The following ADD1 variants were observed in gnomAD, a reference collection of about 807,000 sequenced individuals.
ADD1 encodes the protein adducin 1.
ADD1 carries 24 observed loss-of-function variants against 80.5 expected under a neutral mutation model. The observed-to-expected ratio is 0.30, with a 90% confidence interval of 0.22 to 0.42. The LOEUF is 0.42. ADD1 is among the 10% of genes least tolerant of loss of function. The pLI is 1.00. For synonymous variants in ADD1, 373 were observed against 393.8 expected (o/e 0.95, Z 0.63); for missense variants, 948 against 1,019.0 (o/e 0.93, Z 0.95).
intron 6 of ADD1, 108 bp downstream of exon 6, chr4:2,894,839 T>C (rs955187877): frequency 3.5e-5 from 43 of 1,240,062 alleles, no homozygotes; most frequent in Non-Finnish European, 4.5e-5. Context: ...AAACTAATTT[T>C]GTTGAATATA....
rs1292590322 is a variant in ADD1, at chr4:2,926,574, A to G, written c.2047+462A>G. On this transcript the variant is annotated intron_variant, in intron 15 of 15. Coordinates refer to ENST00000683351, the MANE Select transcript of ADD1 (RefSeq NM_001354761.2). The surrounding 1 kb of genome is among the most constrained non-coding windows in gnomAD (Gnocchi z 5.0). The stretch of plus-strand genomic sequence containing the variant: ...CCTGCCTTTCTTCTTCTGTAACCTG[A>G]TGGCTGTGACTGAATGCATAGATTC... 1.3e-6 allele frequency: 2 copies of G among 1,570,594 alleles called. No homozygotes were observed. The highest frequency in any genetic ancestry group is 2.7e-5 in the African/African-American group (2 of 73,694).
chr4:2,881,384 A>G (rs1732307155), intron 2 of ADD1, among the ~76,000 whole-genome samples: 1 of 151,982 alleles, frequency 6.6e-6, no homozygotes, highest in African/African-American at 2.4e-5. Flanking sequence ...CAGCCAATGT[A>G]TTTACTTTTA....
In ADD1 at chr4:2,859,234, T is replaced by C. The variant is rs149564665; in HGVS notation, c.-21+15210T>C. ...TTAACATTTTCTTGGAACATTTTAT[T>C]AGATGTGTGCCTGGGAAGGAATGAT... On this transcript the variant is annotated intron_variant, in intron 1 of 15. Coordinates refer to ENST00000683351, the MANE Select transcript of ADD1 (RefSeq NM_001354761.2). Among the ~76,000 whole-genome samples the C allele has an allele frequency of 3.8e-3, 585 of 152,332 alleles. 25 individuals carry two copies. Among genetic ancestry groups the C allele is most frequent in the Admixed American group, 0.034 (519 of 15,292 alleles).
At chr4:2,883,827 A>G (rs1168505315) in intron 3 of ADD1, among the ~76,000 whole-genome samples, 3 of 151,768 alleles carry the variant, frequency 2.0e-5, no homozygotes, top group African/African-American at 7.3e-5. Context: ...GCCCACCACC[A>G]CGTCTGGCTA....
Position 2,928,232 on chromosome 4 carries a change from C to T in ADD1, c.2109C>T (p.Leu703=), listed in dbSNP as rs867219062. 6.2e-7 allele frequency: 1 copy of T among 1,614,024 alleles called. No individual in the cohort carries two copies. The highest frequency in any genetic ancestry group is 1.3e-5 in the African/African-American group (1 of 74,912). Residue 703 remains leucine (L), a synonymous_variant, in exon 16 of 16, where the codon CTC becomes CTT. Coordinates refer to ENST00000683351, the MANE Select transcript of ADD1 (RefSeq NM_001354761.2). Reference sequence around the variant, plus strand: ...ATGCTGCCACCTTTAAGCCAACTCTCCCCGATCTGTCCCCTGATGAACCTT... The same window carrying T: ...ATGCTGCCACCTTTAAGCCAACTCTTCCCGATCTGTCCCCTGATGAACCTT... ...DSDAATFKPT[L]PDLSPDEPSE...
At chr4:2,856,292 T>C (rs150070432) in intron 1 of ADD1, among the ~76,000 whole-genome samples, 2 of 152,290 alleles carry the variant, frequency 1.3e-5, no homozygotes, top group African/African-American at 4.8e-5. Flanking sequence ...CTCTCTACTT[T>C]TGTTGTTTCT....
intron 1 of ADD1, among the ~76,000 whole-genome samples, chr4:2,862,692 C>T (rs528187182): frequency 6.6e-6 from 1 of 152,322 alleles, no homozygotes; most frequent in Admixed American, 6.5e-5. Flanking sequence ...ACCTCCCCAC[C>T]CCCTGGACTC....
intron 1 of ADD1, among the ~76,000 whole-genome samples, chr4:2,863,110 G>A (rs1577462224): frequency 6.6e-6 from 1 of 151,972 alleles, no homozygotes; most frequent in East Asian, 1.9e-4. Flanking sequence ...AGTGCAGTGG[G>A]ATGGTCATGG....
chr4:2,884,451 G>A lies in ADD1; in HGVS notation c.359-64G>A. The A allele has an allele frequency of 2.3e-6, 3 of 1,324,494 alleles. No individual in the cohort carries two copies. The South Asian group carries it at 5.3e-5, about 23-fold the overall frequency. 82.0% of individuals were successfully genotyped at this position (1,324,494 alleles called of 1,614,324 possible). On this transcript the variant is annotated intron_variant, in intron 3 of 15. Transcript: ENST00000683351. ...AGTGATCCTCCTGCCTTAGCCTTCT[G>A]AGTAACTAGGACTACAGGCGTATAC...
At position 2,926,424 on chromosome 4, in the gene ADD1, G is replaced by A. The variant is rs749906943; in HGVS notation, c.2047+312G>A. On this transcript the variant is annotated intron_variant, in intron 15 of 15. Coordinates refer to ENST00000683351, the MANE Select transcript of ADD1 (RefSeq NM_001354761.2). The surrounding 1 kb of genome is among the most constrained non-coding windows in gnomAD (Gnocchi z 5.0). ...GTGTTGTCATGCAGATGCCACCTTC[G>A]GAGGTGCCCTCCGCTGTGTGAGCCA... The A allele has an allele frequency of 9.1e-5, 63 of 692,954 alleles. 1 individual carries two copies. Among genetic ancestry groups the A allele is most frequent in the Non-Finnish European group, 1.4e-4 (53 of 381,028 alleles). The allele number at this position is 692,954 out of a possible 1,614,324, so 42.9% of individuals were successfully genotyped here. A position where few individuals can be genotyped will look rare whatever the true frequency, so the allele number is the denominator to read the frequency against.
At chr4:2,899,786 G>A (rs1206049555) in intron 9 of ADD1, 2 of 361,744 alleles carry the variant, frequency 5.5e-6, no homozygotes, top group South Asian at 2.2e-5. Context: ...CGGTCAGTCA[G>A]GTATTTAGGC....
chr4:2,888,560 C>T (rs950339053), intron 4 of ADD1, among the ~76,000 whole-genome samples: 1 of 151,300 alleles, frequency 6.6e-6, no homozygotes, highest in Admixed American at 6.6e-5. Flanking sequence ...GGATTACAGG[C>T]ACCTGCCACC....
At chr4:2,891,185 A>T (rs956562303) in intron 4 of ADD1, among the ~76,000 whole-genome samples, 1 of 151,996 alleles carries the variant, frequency 6.6e-6, no homozygotes, top group African/African-American at 2.4e-5. Flanking sequence ...ACGGTGGCTC[A>T]TGCCTCTAAT....
rs1409726897 is a variant in ADD1, at chr4:2,875,907, G to A, written c.-9G>A. The stretch of plus-strand genomic sequence containing the variant: ...TTTTGATTCTGTAGGAACCTAGAAA[G>A]ATTGTACAATGAATGGTGATTCTCG... On this transcript the variant is annotated 5_prime_UTR_variant, in exon 2 of 16. Transcript: ENST00000683351. The A allele has an allele frequency of 6.3e-7, 1 of 1,579,910 alleles. No homozygotes were observed. Among genetic ancestry groups the A allele is most frequent in the African/African-American group, 1.4e-5 (1 of 73,196 alleles).
chr4:2,843,904 G>GAGGCCTGGCGGGCCGCTGCTGC lies in ADD1; in HGVS notation c.-140_-119dup. 1 of 152,638 alleles carries GAGGCCTGGCGGGCCGCTGCTGC rather than the reference G, an allele frequency of 6.6e-6. No homozygotes were observed. The highest frequency in any genetic ancestry group is 1.5e-5 in the Non-Finnish European group (1 of 68,232). The allele number at this position is 152,638 out of a possible 1,614,324, so 9.5% of individuals were successfully genotyped here. On this transcript the variant is annotated 5_prime_UTR_variant, in exon 1 of 16. Coordinates refer to ENST00000683351, the MANE Select transcript of ADD1 (RefSeq NM_001354761.2). ...GCGAGCGGAGGGGCTGAGGGGCGGA[G>GAGGCCTGGCGGGCCGCTGCTGC]AGGCCTGGCGGGCCGCTGCTGCGGG...
intron 3 of ADD1, among the ~76,000 whole-genome samples, chr4:2,883,799 G>A (rs1732794145): frequency 6.6e-6 from 1 of 152,036 alleles, no homozygotes; most frequent in Admixed American, 6.6e-5. Flanking sequence ...AGCCTCCCAA[G>A]TAGCTGGGAG....
chr4:2,898,785 TG>T (rs1735685461), intron 8 of ADD1: 6 of 493,052 alleles, frequency 1.2e-5, no homozygotes, highest in Non-Finnish European at 2.2e-5. Context: ...TATGGAGTAC[TG>T]GTGTGTATAG....
At chr4:2,918,693 T>C (rs1166382493) in intron 14 of ADD1, among the ~76,000 whole-genome samples, 2 of 152,216 alleles carry the variant, frequency 1.3e-5, no homozygotes, top group Non-Finnish European at 2.9e-5. Flanking sequence ...ATTCCATCAA[T>C]ACCTAGTTTA....
chr4:2,886,648 G>T (rs1490007821), intron 4 of ADD1, among the ~76,000 whole-genome samples: 1 of 152,160 alleles, frequency 6.6e-6, no homozygotes, highest in African/African-American at 2.4e-5. Flanking sequence ...CAAAGAGTAG[G>T]CATGCAGTAA....
Sources: gnomAD v4.1 joint callset for allele counts (sites outside exome capture counted in the v4.1 genomes callset) on GRCh38, gnomAD v4.1.1 for gene constraint, Gnocchi (gnomAD v3.1) non-coding constraint, MANE v1.5 for transcripts, NCBI Gene and HGNC (gene_info 2026-07-23, HGNC 2026-07-21) for gene names.